The following XKR4 variants were observed in gnomAD, a reference collection of about 807,000 sequenced individuals.
The protein encoded by XKR4 is XK related 4.
XKR4 carries 12 observed loss-of-function variants against 53.9 expected under a neutral mutation model. The observed-to-expected ratio is 0.22, with a 90% confidence interval of 0.14 to 0.36. The LOEUF (loss-of-function observed/expected upper bound fraction) is 0.36. XKR4 is among the 10% of genes least tolerant of loss of function. XKR4 has a pLI of 1.00. For missense variants in XKR4, 799 were observed against 859.5 expected (o/e 0.93, Z 0.88); for synonymous variants, 354 against 362.4 (o/e 0.98, Z 0.26).
chr8:55,238,186 GGCCACCCA>G (rs1818160743), intron 1 of XKR4, among the ~76,000 whole-genome samples: 1 of 152,024 alleles, frequency 6.6e-6, no homozygotes, highest in African/African-American at 2.4e-5. Context: ...AAAGTAGATA[GGCCACCCA>G]GCCACATGTA....
At chr8:55,185,597 C>G (rs1000122086) in intron 1 of XKR4, among the ~76,000 whole-genome samples, 1 of 152,090 alleles carries the variant, frequency 6.6e-6, no homozygotes, top group Admixed American at 6.5e-5. Flanking sequence ...TTATGAAAAG[C>G]AGTTGTAAAT....
chr8:55,471,510 G>A (rs139019758), intron 2 of XKR4, among the ~76,000 whole-genome samples: 1 of 152,122 alleles, frequency 6.6e-6, no homozygotes, highest in African/African-American at 2.4e-5. Flanking sequence ...GGATTCTGGT[G>A]TTCACTAACA....
intron 1 of XKR4, among the ~76,000 whole-genome samples, chr8:55,171,309 T>G (rs1252833552): frequency 6.6e-6 from 1 of 152,180 alleles, no homozygotes; most frequent in East Asian, 1.9e-4. Flanking sequence ...TGTTACAGCG[T>G]CTGGTGGGAG....
At chr8:55,378,322 A>G (rs917128601) in intron 2 of XKR4, among the ~76,000 whole-genome samples, 4 of 152,236 alleles carry the variant, frequency 2.6e-5, no homozygotes. Flanking sequence ...GAGAGCTGTC[A>G]GTGGCTAATA....
intron 2 of XKR4, among the ~76,000 whole-genome samples, chr8:55,423,468 G>T (rs943027202): frequency 6.6e-6 from 1 of 152,204 alleles, no homozygotes; most frequent in Non-Finnish European, 1.5e-5. Context: ...CAATAAAAAC[G>T]TGGCCCCTGC....
chr8:55,280,224 T>A (rs1818822651), intron 1 of XKR4, among the ~76,000 whole-genome samples: 1 of 152,302 alleles, frequency 6.6e-6, no homozygotes, highest in East Asian at 1.9e-4. Context: ...CAAATTGTTT[T>A]TATGTTTGTC....
chr8:55,224,337 T>A (rs1349384773), intron 1 of XKR4, among the ~76,000 whole-genome samples: 1 of 152,196 alleles, frequency 6.6e-6, no homozygotes, highest in Non-Finnish European at 1.5e-5. Flanking sequence ...TAATTGCGGT[T>A]GTGTCTTGAA....
intron 1 of XKR4, among the ~76,000 whole-genome samples, chr8:55,202,384 G>C (rs1304848436): frequency 6.6e-6 from 1 of 152,162 alleles, no homozygotes; most frequent in Non-Finnish European, 1.5e-5. Context: ...TTTCTAGGCT[G>C]GAGTCATGCC....
intron 2 of XKR4, among the ~76,000 whole-genome samples, chr8:55,406,073 C>T (rs1462498029): frequency 6.6e-6 from 1 of 152,158 alleles, no homozygotes; most frequent in Non-Finnish European, 1.5e-5. Context: ...GTCTCTGTTC[C>T]TCCTCAGCCT....
rs183057285 is a variant in XKR4 at position 55,479,554 on chromosome 8, G to C, written c.1007-43727G>C. 4.6e-5 allele frequency among the ~76,000 whole-genome samples: 7 copies of C among 151,912 alleles called. No individual in the cohort carries two copies. The East Asian group carries it at 7.8e-4, about 17-fold the overall frequency. On this transcript the variant is annotated intron_variant, in intron 2 of 2. Coordinates refer to ENST00000327381, the MANE Select transcript of XKR4 (RefSeq NM_052898.2). ...AGGCAAGAAATAACTAAAATCAGAG[G>C]AGAACTGAAGGAAATAGAGACACAA...
At chr8:55,347,048 A>T (rs893353023) in intron 1 of XKR4, among the ~76,000 whole-genome samples, 3 of 152,234 alleles carry the variant, frequency 2.0e-5, no homozygotes, top group Non-Finnish European at 4.4e-5. Flanking sequence ...ACTGTCTGAA[A>T]CATGACTCAC....
At chr8:55,170,508 G>T (rs1297233415) in intron 1 of XKR4, among the ~76,000 whole-genome samples, 1 of 152,142 alleles carries the variant, frequency 6.6e-6, no homozygotes, top group African/African-American at 2.4e-5. Context: ...AAGGAACATA[G>T]ACCCGCTGCT....
intron 1 of XKR4, among the ~76,000 whole-genome samples, chr8:55,160,797 A>G (rs1469524090): frequency 6.6e-6 from 1 of 152,208 alleles, no homozygotes; most frequent in Admixed American, 6.5e-5. Flanking sequence ...AGGGACTGTT[A>G]CATTTCTCTA....
At chr8:55,263,006 C>T (rs1470078247) in intron 1 of XKR4, among the ~76,000 whole-genome samples, 1 of 152,200 alleles carries the variant, frequency 6.6e-6, no homozygotes, top group Admixed American at 6.5e-5. Flanking sequence ...ACGCCCTGCA[C>T]AGCATTGGCC....
At chr8:55,312,072 C>G (rs1480362766) in intron 1 of XKR4, among the ~76,000 whole-genome samples, 1 of 151,950 alleles carries the variant, frequency 6.6e-6, no homozygotes, top group African/African-American at 2.4e-5. Context: ...TAAAAAGCTT[C>G]CAGCCATGAG....
chr8:55,407,022 C>A (rs1048544659), intron 2 of XKR4, among the ~76,000 whole-genome samples: 8 of 152,188 alleles, frequency 5.3e-5, no homozygotes, highest in African/African-American at 1.9e-4. Flanking sequence ...AATCCTGGAG[C>A]CAGGAAACCA....
intron 1 of XKR4, among the ~76,000 whole-genome samples, chr8:55,144,395 TAAGA>T (rs1585902402): frequency 6.6e-6 from 1 of 151,960 alleles, no homozygotes; most frequent in African/African-American, 2.4e-5. Context: ...AATTCTATAA[TAAGA>T]AAGCCAACAG....
chr8:55,372,561 T>G (rs1231871664), intron 2 of XKR4, among the ~76,000 whole-genome samples: 1 of 152,048 alleles, frequency 6.6e-6, no homozygotes, highest in Non-Finnish European at 1.5e-5. Flanking sequence ...TTTTTTTTTT[T>G]TTCTAGAAAG....
chr8:55,311,438 C>G (rs1049591785), intron 1 of XKR4, among the ~76,000 whole-genome samples: 9 of 152,238 alleles, frequency 5.9e-5, no homozygotes, highest in Non-Finnish European at 7.4e-5. Context: ...CTGAAGAGAG[C>G]ATGATACTCA....
Sources: allele counts gnomAD v4.1 joint callset (sites outside exome capture counted in the v4.1 genomes callset), GRCh38; gene constraint gnomAD v4.1.1; transcripts MANE v1.5; gene names NCBI Gene and HGNC (gene_info 2026-07-23, HGNC 2026-07-21).